Variants in SLC24A2 observed in about 807,000 individuals in gnomAD.
The protein encoded by SLC24A2 is solute carrier family 24 member 2.
SLC24A2 carries 36 observed loss-of-function variants against 62.0 expected under a neutral mutation model. The ratio of observed to expected loss-of-function variants is 0.58; its 90% CI spans 0.44 to 0.77. SLC24A2 has a LOEUF of 0.77. SLC24A2 is among the 30% of genes least tolerant of loss of function. The pLI, the probability that SLC24A2 is intolerant of heterozygous loss-of-function variation, is 0.00. For synonymous variants in SLC24A2, 358 were observed against 294.0 expected (o/e 1.22, Z -2.23); for missense variants, 846 against 817.9 (o/e 1.03, Z -0.42).
the SLC24A2 span, among the ~76,000 whole-genome samples, chr9:19,990,268 T>C: frequency 6.6e-6 from 1 of 152,072 alleles, no homozygotes; most frequent in Non-Finnish European, 1.5e-5. Flanking sequence ...CCCTTATCCA[T>C]GGTTTTGCTT....
intron 2 of SLC24A2, among the ~76,000 whole-genome samples, chr9:19,672,132 C>A (rs1342487177): frequency 6.8e-6 from 1 of 146,350 alleles, no homozygotes; most frequent in Non-Finnish European, 1.5e-5. Context: ...AGGATTGGTA[C>A]CAGTTCTTTG....
chr9:19,522,535 G>C (rs1277916382), intron 9 of SLC24A2, among the ~76,000 whole-genome samples: 1 of 152,162 alleles, frequency 6.6e-6, no homozygotes, highest in Non-Finnish European at 1.5e-5. Context: ...GAAATAGTAT[G>C]ATTCCTACTA....
chr9:19,788,297 G>T (rs1209033592), intron 1 of SLC24A2, among the ~76,000 whole-genome samples: 1 of 152,154 alleles, frequency 6.6e-6, no homozygotes, highest in African/African-American at 2.4e-5. Flanking sequence ...CAGCACTCAG[G>T]GGATTGTGTA....
the SLC24A2 span, among the ~76,000 whole-genome samples, chr9:19,885,873 C>T: frequency 6.6e-6 from 1 of 152,082 alleles, no homozygotes; most frequent in Non-Finnish European, 1.5e-5. Context: ...TCCTGTGTCA[C>T]TTTGCTAAAG....
the SLC24A2 span, among the ~76,000 whole-genome samples, chr9:20,035,197 G>A: frequency 2.6e-5 from 4 of 152,024 alleles, no homozygotes; most frequent in Admixed American, 2.6e-4. Context: ...ACAACAGTTA[G>A]GTATGAAAAC....
chr9:19,799,665 T>C, the SLC24A2 span, among the ~76,000 whole-genome samples: 1 of 152,202 alleles, frequency 6.6e-6, no homozygotes, highest in African/African-American at 2.4e-5. Flanking sequence ...AGAAAGCACA[T>C]CTAGATGAGC....
At chr9:19,593,347 G>T (rs994334707) in intron 5 of SLC24A2, among the ~76,000 whole-genome samples, 1 of 152,090 alleles carries the variant, frequency 6.6e-6, no homozygotes, top group Non-Finnish European at 1.5e-5. Flanking sequence ...ATGAAAGAAT[G>T]AATAAAAAAG....
chr9:20,054,066 ATTTAAT>A, the SLC24A2 span, among the ~76,000 whole-genome samples: 1 of 152,106 alleles, frequency 6.6e-6, no homozygotes, highest in African/African-American at 2.4e-5. Flanking sequence ...AGGGGTCTTT[ATTTAAT>A]TTTAATTTTA....
At chr9:19,881,267 G>A in the SLC24A2 span, among the ~76,000 whole-genome samples, 3 of 152,128 alleles carry the variant, frequency 2.0e-5, no homozygotes, top group African/African-American at 7.2e-5. Context: ...GAGACTAGAC[G>A]AGACTTAAGA....
chr9:20,114,977 A>G, the SLC24A2 span, among the ~76,000 whole-genome samples: 2 of 152,176 alleles, frequency 1.3e-5, no homozygotes, highest in African/African-American at 4.8e-5. Context: ...TATGAAACTC[A>G]AAGAAAGGCC....
the SLC24A2 span, among the ~76,000 whole-genome samples, chr9:19,897,142 C>G: frequency 1.3e-5 from 2 of 152,180 alleles, no homozygotes; most frequent in South Asian, 2.1e-4. Flanking sequence ...GACTGGGAAA[C>G]TGGGCCTTGG....
chr9:19,696,374 A>G (rs1374694169), intron 2 of SLC24A2, among the ~76,000 whole-genome samples: 1 of 152,178 alleles, frequency 6.6e-6, no homozygotes, highest in Non-Finnish European at 1.5e-5. Context: ...TCCAGACTCA[A>G]CATGGGAAAA....
intron 2 of SLC24A2, among the ~76,000 whole-genome samples, chr9:19,665,439 G>A (rs569979216): frequency 1.4e-4 from 22 of 152,194 alleles, no homozygotes; most frequent in African/African-American, 4.1e-4. Context: ...TTATGCCATC[G>A]TGAGAAAGGA....
intron 4 of SLC24A2, among the ~76,000 whole-genome samples, chr9:19,615,552 G>A (rs1817745485): frequency 6.6e-6 from 1 of 152,220 alleles, no homozygotes; most frequent in African/African-American, 2.4e-5. Context: ...AGAGCAATCT[G>A]TTTTCTTGGC....
intron 4 of SLC24A2, among the ~76,000 whole-genome samples, chr9:19,601,172 T>C (rs1836830658): frequency 6.6e-6 from 1 of 151,650 alleles, no homozygotes; most frequent in South Asian, 2.1e-4. Context: ...CAATCAGTGC[T>C]CTGTAAAATT....
At chr9:19,520,527 C>T (rs1833141253) in intron 10 of SLC24A2, among the ~76,000 whole-genome samples, 1 of 152,144 alleles carries the variant, frequency 6.6e-6, no homozygotes, top group Admixed American at 6.5e-5. Context: ...CAAATCTCAC[C>T]TTAGGCTGGT....
At chr9:19,630,122 T>A (rs950630938) in intron 2 of SLC24A2, among the ~76,000 whole-genome samples, 3 of 152,200 alleles carry the variant, frequency 2.0e-5, no homozygotes, top group Non-Finnish European at 2.9e-5. Context: ...CATTTAAGAA[T>A]ATACTTAAGA....
chr9:19,972,708 C>T, the SLC24A2 span, among the ~76,000 whole-genome samples: 1 of 152,066 alleles, frequency 6.6e-6, no homozygotes, highest in African/African-American at 2.4e-5. Flanking sequence ...TTTAATTTTC[C>T]TGGTAATTCA....
intron 2 of SLC24A2, among the ~76,000 whole-genome samples, chr9:19,636,315 T>TTTTCTTTTCTTTTTCTTTC: frequency 5.0e-5 from 2 of 40,328 alleles, no homozygotes; most frequent in East Asian, 1.5e-3. Flanking sequence ...TTTTCTTTTC[T>TTTTCTTTTCTTTTTCTTTC]TTTCTTTCTT....
Sources: gnomAD v4.1 joint callset for allele counts (sites outside exome capture counted in the v4.1 genomes callset) on GRCh38, gnomAD v4.1.1 for gene constraint, MANE v1.5 for transcripts, NCBI Gene and HGNC (gene_info 2026-07-23, HGNC 2026-07-21) for gene names.